ST3GAL6: variants seen among roughly 807,000 people sequenced by gnomAD.
The protein encoded by ST3GAL6 is ST3 beta-galactoside alpha-2,3-sialyltransferase 6.
Under a neutral mutation model 40.5 loss-of-function variants are expected in ST3GAL6, and 31 were observed. That is an observed-to-expected ratio of 0.77 (90% CI 0.58 to 1.03). The LOEUF (loss-of-function observed/expected upper bound fraction) is 1.03, where lower values mean the gene tolerates loss of function less well. Among genes scored for constraint, ST3GAL6 ranks in the 50% least tolerant of loss-of-function variants. The pLI is 0.00. For missense variants in ST3GAL6, 357 were observed against 393.2 expected, an observed-to-expected ratio of 0.91 and a Z score of 0.78; for synonymous variants, 129 against 136.9, an observed-to-expected ratio of 0.94 and a Z score of 0.40.
chr3:98,765,279 G>A (rs1938202127), intron 1 of ST3GAL6, among the ~76,000 whole-genome samples: 1 of 152,174 alleles, frequency 6.6e-6, no homozygotes, highest in Non-Finnish European at 1.5e-5. Context: ...TTTATCTTGA[G>A]AGACAGGATA....
chr3:98,752,140 C>T (rs1317980063), intron 1 of ST3GAL6, among the ~76,000 whole-genome samples: 1 of 152,108 alleles, frequency 6.6e-6, no homozygotes. Flanking sequence ...AAAGCATGCA[C>T]ATTAATTTTA....
At chr3:98,791,643 TCA>T (rs1483002887) in intron 8 of ST3GAL6, among the ~76,000 whole-genome samples, 196 bp from the exon 9 acceptor site, 1 of 152,210 alleles carries the variant, frequency 6.6e-6, no homozygotes, top group East Asian at 1.9e-4. Flanking sequence ...AAGATTTCAA[TCA>T]CAGTTTATAT....
intron 1 of ST3GAL6, chr3:98,756,594 C>T (rs1262025368): frequency 1.7e-6 from 2 of 1,174,964 alleles, no homozygotes; most frequent in Non-Finnish European, 2.2e-6. Flanking sequence ...TAAACTTGAG[C>T]ACTTGTAATG....
chr3:98,783,972 G>A (rs548641001), intron 5 of ST3GAL6, among the ~76,000 whole-genome samples: 6 of 152,238 alleles, frequency 3.9e-5, no homozygotes, highest in East Asian at 1.9e-4. Context: ...AACAGTTTCC[G>A]AATTCTCACA....
At chr3:98,769,643 C>A (rs193021273) in intron 2 of ST3GAL6, among the ~76,000 whole-genome samples, 79 of 152,298 alleles carry the variant, frequency 5.2e-4, no homozygotes, top group African/African-American at 1.8e-3. Context: ...GTTGAAGTGA[C>A]CATGTCACTC....
chr3:98,790,179 G>A (rs540477415), intron 8 of ST3GAL6, among the ~76,000 whole-genome samples: 18 of 144,778 alleles, frequency 1.2e-4, no homozygotes, highest in Non-Finnish European at 2.6e-4. Flanking sequence ...TCGAAGAAGC[G>A]TGTTTTATTT....
In ST3GAL6 at chr3:98,770,974, A is replaced by G. The variant is rs752442215; in HGVS notation, c.167+18A>G. The G allele has an allele frequency of 2.5e-6, 4 of 1,611,358 alleles. No homozygotes were observed. The highest frequency in any genetic ancestry group is 3.4e-6 in the Non-Finnish European group (4 of 1,177,820). ...CTGCTGAGGTAAAAATATACCAGAA[A>G]AACCTGTGGCATACAAAATATTCTA... On this transcript the variant is annotated intron_variant, in intron 3 of 9. Coordinates refer to ENST00000483910, the MANE Select transcript of ST3GAL6 (RefSeq NM_001323368.2).
chr3:98,770,538 C>T, intron 2 of ST3GAL6: 1 of 199,938 alleles, frequency 5.0e-6, no homozygotes, highest in Non-Finnish European at 1.0e-5. Context: ...TTCGGTTTCT[C>T]CAGCTTTCAG....
chr3:98,745,961 C>T (rs1364724112), intron 1 of ST3GAL6, among the ~76,000 whole-genome samples: 3 of 152,130 alleles, frequency 2.0e-5, no homozygotes, highest in African/African-American at 7.2e-5. Flanking sequence ...TCTCTCGGCT[C>T]AGACAGTCCT....
chr3:98,788,145 A>G lies in ST3GAL6; in HGVS notation c.541A>G (p.Asn181Asp). 1 of 1,614,020 alleles carries G rather than the reference A, an allele frequency of 6.2e-7. No individual in the cohort carries two copies. The highest frequency in any genetic ancestry group is 8.5e-7 in the Non-Finnish European group (1 of 1,179,952). Residue 181 changes from asparagine (N) to aspartate (D), a missense_variant, in exon 7 of 10, where the codon AAT (asparagine) becomes GAT (aspartate). Transcript: ENST00000483910. Reference protein sequence around the residue: ...VFSDPIHNDPNTTVILTAFKP... With the variant: ...VFSDPIHNDPDTTVILTAFKP... ...TTCAGATCCTATTCACAATGACCCT[A>G]ATACGACAGTGATTCTCACTGCTTT...
Position 98,776,327 on chromosome 3 carries a change from T to A in ST3GAL6, c.335+2344T>A, listed in dbSNP as rs184321146. Reference sequence around the variant, plus strand: ...AATGCTGCCTCTGAGTCAACTTAGTTCCTCAAGTGACCTTATGTAGTTCTC... The same window carrying A: ...AATGCTGCCTCTGAGTCAACTTAGTACCTCAAGTGACCTTATGTAGTTCTC... On this transcript the variant is annotated intron_variant, in intron 5 of 9. Coordinates refer to ENST00000483910, the MANE Select transcript of ST3GAL6 (RefSeq NM_001323368.2). Among the ~76,000 whole-genome samples the A allele has an allele frequency of 1.3e-3, 192 of 152,336 alleles. 1 individual carries two copies. The highest frequency in any genetic ancestry group is 4.4e-3 in the African/African-American group (184 of 41,572).
At chr3:98,735,223 A>C (rs1013497137) in intron 1 of ST3GAL6, among the ~76,000 whole-genome samples, 2 of 152,186 alleles carry the variant, frequency 1.3e-5, no homozygotes, top group Non-Finnish European at 2.9e-5. Context: ...AGTGGCTCAC[A>C]TAAAGGTTTG....
chr3:98,763,288 G>A (rs1376482049), upstream of ST3GAL6: 2 of 1,282,554 alleles, frequency 1.6e-6, no homozygotes, highest in East Asian at 1.1e-4. Context: ...GAGGAAGGAA[G>A]GCAGGATGTG....
At chr3:98,771,154 TGAG>T in intron 3 of ST3GAL6, 198 bp downstream of exon 3, 1 of 1,493,118 alleles carries the variant, frequency 6.7e-7, no homozygotes, top group Non-Finnish European at 8.9e-7. Flanking sequence ...GAAAAGGCAT[TGAG>T]GAACTCAATC....
chr3:98,750,481 T>C (rs943304029), intron 1 of ST3GAL6, among the ~76,000 whole-genome samples: 2 of 152,176 alleles, frequency 1.3e-5, no homozygotes, highest in African/African-American at 2.4e-5. Context: ...GAAACCCTGG[T>C]TTAAGTAACA....
At chr3:98,787,804 C>T (rs747634474) in intron 6 of ST3GAL6, among the ~76,000 whole-genome samples, 5 of 152,186 alleles carry the variant, frequency 3.3e-5, no homozygotes, top group Non-Finnish European at 5.9e-5. Flanking sequence ...ATTGGCTCCA[C>T]AATTAATTTT....
chr3:98,746,211 C>T lies in ST3GAL6; in HGVS notation c.-12+13679C>T, dbSNP rs138590638. Among the ~76,000 whole-genome samples, 333 of 152,242 alleles carry T rather than the reference C, an allele frequency of 2.2e-3. 1 individual carries two copies. The highest frequency in any genetic ancestry group is 7.4e-3 in the African/African-American group (308 of 41,562). On this transcript the variant is annotated intron_variant, in intron 1 of 9. Coordinates refer to the ST3GAL6 transcript ENST00000265261. Reference sequence around the variant, plus strand: ...TGAATTTCAGTTGATTTCAGGGGTGCCTCCTGAAGCTTGGAAGCGTTTTCC... The same window carrying T: ...TGAATTTCAGTTGATTTCAGGGGTGTCTCCTGAAGCTTGGAAGCGTTTTCC...
intron 1 of ST3GAL6, among the ~76,000 whole-genome samples, chr3:98,751,629 A>C (rs1937014783): frequency 6.6e-6 from 1 of 152,210 alleles, no homozygotes; most frequent in Non-Finnish European, 1.5e-5. Flanking sequence ...CTTTCAGTAC[A>C]GTACATTCTC....
At chr3:98,744,753 GA>G (rs11300353) in intron 1 of ST3GAL6, among the ~76,000 whole-genome samples, 18,578 of 146,576 alleles carry the variant, frequency 0.13, 2,531 homozygotes, top group African/African-American at 0.35. Context: ...TCTTTGATAG[GA>G]AAAAAAAAAA....
Sources: gnomAD v4.1 joint callset for allele counts (sites outside exome capture counted in the v4.1 genomes callset) on GRCh38, gnomAD v4.1.1 for gene constraint, MANE v1.5 for transcripts, NCBI Gene and HGNC (gene_info 2026-07-23, HGNC 2026-07-21) for gene names.